Variants in AEBP2 observed in about 807,000 individuals in gnomAD.
AEBP2 encodes the protein zinc finger protein AEBP2.
A neutral mutation model predicts 50.8 loss-of-function variants in AEBP2; 10 were observed. The observed-to-expected ratio is 0.20, with a 90% CI of 0.12 to 0.33. The LOEUF is 0.33. Ranked by LOEUF, AEBP2 falls within the 10% of genes least tolerant of loss-of-function variation. The pLI is 1.00. For missense variants in AEBP2, 570 were observed against 688.0 expected (o/e 0.83, Z 1.92); for synonymous variants, 296 against 261.3 (o/e 1.13, Z -1.28).
intron 1 of AEBP2, among the ~76,000 whole-genome samples, chr12:19,451,743 T>A (rs1948169568): frequency 6.6e-6 from 1 of 151,314 alleles, no homozygotes; most frequent in South Asian, 2.1e-4. Flanking sequence ...CAGGCTGGAG[T>A]ACAGTGGCTG....
intron 1 of AEBP2, among the ~76,000 whole-genome samples, chr12:19,453,550 T>C (rs547803551): frequency 6.6e-6 from 1 of 152,044 alleles, no homozygotes; most frequent in South Asian, 2.1e-4. Flanking sequence ...CAGCCTCCTG[T>C]GTAGCTGGGA....
chr12:19,501,797 G>GTTTTTTGTTTTTTTTTTT (rs1555187205), intron 5 of AEBP2, among the ~76,000 whole-genome samples: 2 of 70,868 alleles, frequency 2.8e-5, no homozygotes, highest in Non-Finnish European at 5.4e-5. Flanking sequence ...AAATGAGTTT[G>GTTTTTTGTTTTTTTTTTT]TTTTTTTTTT....
At chr12:19,481,258 A>G (rs11044597) in intron 3 of AEBP2, among the ~76,000 whole-genome samples, 4,035 of 149,534 alleles carry the variant, frequency 0.027, 56 homozygotes, top group East Asian at 0.046. Context: ...CCACCACCAC[A>G]CCCAGCTAAG....
intron 1 of AEBP2, among the ~76,000 whole-genome samples, chr12:19,448,945 G>T (rs1320324223): frequency 1.3e-5 from 2 of 152,136 alleles, no homozygotes; most frequent in Non-Finnish European, 2.9e-5. Flanking sequence ...CTCCCAAAGT[G>T]CAGGGATTAC....
At chr12:19,440,786 T>G in intron 1 of AEBP2, 3 of 1,530,542 alleles carry the variant, frequency 2.0e-6, no homozygotes, top group Non-Finnish European at 2.6e-6. Flanking sequence ...GACAAGTGTT[T>G]CCAATATGGC....
At chr12:19,472,171 A>G (rs1000289523) in intron 2 of AEBP2, among the ~76,000 whole-genome samples, 1 of 152,142 alleles carries the variant, frequency 6.6e-6, no homozygotes, top group Admixed American at 6.5e-5. Flanking sequence ...AGTCTATTAA[A>G]AATTTTATTT....
chr12:19,492,859 A>T (rs10841239), intron 3 of AEBP2, among the ~76,000 whole-genome samples: 1 of 151,796 alleles, frequency 6.6e-6, no homozygotes, highest in East Asian at 2.0e-4. Flanking sequence ...TGCCTATAGT[A>T]CCACCACCTG....
chr12:19,421,286 G>C (rs1423992506), intron 1 of AEBP2, among the ~76,000 whole-genome samples: 1 of 142,838 alleles, frequency 7.0e-6, no homozygotes, highest in Non-Finnish European at 1.5e-5. Flanking sequence ...GGAAGTTGCA[G>C]TGAGCTAAGA....
intron 7 of AEBP2, 77 bp downstream of exon 7, chr12:19,514,861 T>A (rs552695587): frequency 4.4e-6 from 5 of 1,147,470 alleles, no homozygotes; most frequent in Admixed American, 2.4e-5. Context: ...AAATTAGGAC[T>A]TAGTTTTAAG....
chr12:19,412,434 C>T (rs1397192182), intron 1 of AEBP2, among the ~76,000 whole-genome samples: 2 of 151,880 alleles, frequency 1.3e-5, no homozygotes, highest in Non-Finnish European at 2.9e-5. Context: ...CACGCCACCA[C>T]ACCTAGCGAA....
intron 5 of AEBP2, among the ~76,000 whole-genome samples, chr12:19,505,997 C>T (rs186563767): frequency 9.9e-5 from 15 of 151,950 alleles, no homozygotes; most frequent in African/African-American, 3.6e-4. Flanking sequence ...TGCTATGTTG[C>T]CCAGGCTGAT....
intron 4 of AEBP2, among the ~76,000 whole-genome samples, chr12:19,497,176 CCCAAA>C (rs1948995476): frequency 6.6e-6 from 1 of 151,348 alleles, no homozygotes; most frequent in Non-Finnish European, 1.5e-5. Flanking sequence ...TGGTCATGGA[CCCAAA>C]ATTCTTAAGA....
upstream of AEBP2, among the ~76,000 whole-genome samples, chr12:19,435,374 G>A (rs1004812152): frequency 9.3e-5 from 14 of 150,964 alleles, no homozygotes; most frequent in Admixed American, 9.3e-4. Context: ...TCCACCTCCC[G>A]GGTTCAAGTG....
chr12:19,415,135 C>T (rs1277621033), intron 1 of AEBP2, among the ~76,000 whole-genome samples: 1 of 149,242 alleles, frequency 6.7e-6, no homozygotes, highest in African/African-American at 2.5e-5. Context: ...CGTGGCGAAA[C>T]CCCATCTCTA....
At chr12:19,448,521 A>T (rs1421063408) in intron 1 of AEBP2, among the ~76,000 whole-genome samples, 1 of 152,008 alleles carries the variant, frequency 6.6e-6, no homozygotes, top group Non-Finnish European at 1.5e-5. Context: ...TCTCATATAT[A>T]CTTGCAGAAC....
Position 19,439,710 on chromosome 12 carries a change from C to G in AEBP2, c.11C>G (p.Ala4Gly). ...GGAGCAGGCGCCGCCATGGCCGCCGCTATCACCGACATGGCCGACCTGGAG... is the reference window on the plus strand; with the variant it reads ...GGAGCAGGCGCCGCCATGGCCGCCGGTATCACCGACATGGCCGACCTGGAG... MAA[A>G]ITDMADLEEL... The change falls in exon 1 of 8, where the codon GCT becomes GGT. Residue 4 changes from alanine (A) to glycine (G), a missense_variant. By Grantham distance (60) the Ala-to-Gly change is moderately conservative. This residue lies in a region of AEBP2 where 386 missense variants were observed against 336.8 expected (regional missense o/e 1.15). Coordinates refer to ENST00000266508, the MANE Select transcript of AEBP2 (RefSeq NM_153207.5). 1 of 1,515,726 alleles carries G rather than the reference C, an allele frequency of 6.6e-7. No individual in the cohort carries two copies. Among genetic ancestry groups the G allele is most frequent in the African/African-American group, 1.4e-5 (1 of 69,508 alleles). The allele number at this position is 1,515,726 out of a possible 1,614,324, so 93.9% of individuals were successfully genotyped here.
intron 1 of AEBP2, chr12:19,456,865 C>T: frequency 6.6e-7 from 1 of 1,513,966 alleles, no homozygotes; most frequent in South Asian, 1.1e-5. Context: ...CCAATACCAC[C>T]AATTTTTGTA....
intron 4 of AEBP2, among the ~76,000 whole-genome samples, chr12:19,496,805 G>A (rs895006700): frequency 2.4e-4 from 37 of 151,442 alleles, no homozygotes; most frequent in African/African-American, 9.0e-4. Context: ...TGGGCTACAG[G>A]CACACACCAC....
chr12:19,485,824 A>G (rs967922350), intron 3 of AEBP2, among the ~76,000 whole-genome samples: 3 of 151,914 alleles, frequency 2.0e-5, no homozygotes, highest in East Asian at 1.9e-4. Flanking sequence ...ATAGTGACCT[A>G]TGAGATTCTC....
Sources: gnomAD v4.1 joint callset for allele counts (sites outside exome capture counted in the v4.1 genomes callset) on GRCh38, gnomAD v4.1.1 for gene constraint, gnomAD v4.1.1 regional missense constraint, MANE v1.5 for transcripts, NCBI Gene and HGNC (gene_info 2026-07-23, HGNC 2026-07-21) for gene names.